Variants in CDK13 observed in about 807,000 individuals in gnomAD.
CDK13 encodes cyclin dependent kinase 13, also known as cyclin-dependent kinase 13.
CDK13 carries 40 observed loss-of-function variants against 137.6 expected under a neutral mutation model. The ratio of observed to expected loss-of-function variants is 0.29; its 90% CI spans 0.23 to 0.38. The LOEUF is 0.38. Among genes scored for constraint, CDK13 ranks in the 10% least tolerant of loss-of-function variants. CDK13 has a pLI of 1.00. For missense variants in CDK13, 1,704 were observed against 1,951.8 expected, an observed-to-expected ratio of 0.87 and a Z score of 2.39; for synonymous variants, 869 against 760.1, an observed-to-expected ratio of 1.14 and a Z score of -2.36.
intron 2 of CDK13, among the ~76,000 whole-genome samples, chr7:39,994,435 T>G (rs967286089): frequency 3.9e-5 from 6 of 152,134 alleles, no homozygotes; most frequent in African/African-American, 1.4e-4. Context: ...TCTTTTCTTT[T>G]AACATATTGT....
intron 1 of CDK13, among the ~76,000 whole-genome samples, chr7:39,972,605 T>TA (rs1335864174): frequency 2.0e-5 from 3 of 152,244 alleles, no homozygotes; most frequent in Admixed American, 2.0e-4. Flanking sequence ...ATTCTTTCAC[T>TA]AAAGCATAAT....
Position 39,950,779 on chromosome 7 carries a change from G to A in CDK13, c.138G>A (p.Pro46=), listed in dbSNP as rs2116047835. The A allele has an allele frequency of 6.8e-7, 1 of 1,472,588 alleles. No individual in the cohort carries two copies. The highest frequency in any genetic ancestry group is 8.9e-7 in the Non-Finnish European group (1 of 1,119,294). The allele number at this position is 1,472,588 out of a possible 1,614,324, so 91.2% of individuals were successfully genotyped here. A position where few individuals can be genotyped will look rare whatever the true frequency, so the allele number is the denominator to read the frequency against. ...QPPLLLPLLQ[P]QLLQPPPPPP... ...CGCTGCTGTTGCCGCTCCTGCAGCC[G>A]CAGCTCCTGCAACCGCCGCCGCCCC... Residue 46 remains proline (P), a synonymous_variant, in exon 1 of 14, where the codon CCG becomes CCA. Coordinates refer to ENST00000181839, the MANE Select transcript of CDK13 (RefSeq NM_003718.5).
chr7:40,021,106 T>TACACACACACACACACAC lies in CDK13; in HGVS notation c.2353+19076_2353+19077insCACACACACACACACACA, dbSNP rs778814352. On this transcript the variant is annotated intron_variant, in intron 5 of 13. Coordinates refer to ENST00000181839, the MANE Select transcript of CDK13 (RefSeq NM_003718.5). ...TTCCATCTCAGAGCAAACAAACGTA[T>TACACACACACACACACAC]ATATATATATATATATACACACACA... 2.7e-3 allele frequency among the ~76,000 whole-genome samples: 174 copies of TACACACACACACACACAC among 65,342 alleles called. 3 individuals carry two copies. The highest frequency in any genetic ancestry group is 3.7e-3 in the Non-Finnish European group (131 of 35,342). 42.9% of individuals were successfully genotyped at this position (65,342 alleles called of 152,430 possible).
At chr7:39,978,858 TAGAA>T (rs1583936275) in intron 1 of CDK13, among the ~76,000 whole-genome samples, 3 of 152,130 alleles carry the variant, frequency 2.0e-5, no homozygotes, top group Admixed American at 1.3e-4. Flanking sequence ...TAGCCTTAGA[TAGAA>T]AGAGGAACAC....
chr7:39,996,663 C>T (rs17496303), intron 2 of CDK13, among the ~76,000 whole-genome samples: 250 of 152,088 alleles, frequency 1.6e-3, no homozygotes, highest in Non-Finnish European at 2.1e-3. Context: ...TTATTTCTTA[C>T]GGTAAAATGT....
At chr7:40,089,626 T>C (rs1164666566) in intron 12 of CDK13, among the ~76,000 whole-genome samples, 1 of 151,494 alleles carries the variant, frequency 6.6e-6, no homozygotes, top group Non-Finnish European at 1.5e-5. Context: ...GCCTAAAACA[T>C]CCAGAAACAC....
intron 5 of CDK13, among the ~76,000 whole-genome samples, chr7:40,011,606 C>T (rs1784895958): frequency 6.6e-6 from 1 of 152,020 alleles, no homozygotes; most frequent in African/African-American, 2.4e-5. Context: ...TAAGTTGGAC[C>T]CCTTCATACC....
intron 7 of CDK13, among the ~76,000 whole-genome samples, chr7:40,057,089 T>G (rs1786036086): frequency 6.6e-6 from 1 of 152,176 alleles, no homozygotes; most frequent in Non-Finnish European, 1.5e-5. Context: ...ACCGCATCTC[T>G]ACTAAAACTA....
At position 39,950,788 on chromosome 7, in the gene CDK13, G is replaced by A. The variant is rs1787130703; in HGVS notation, c.147G>A (p.Leu49=). The change falls in exon 1 of 14, where the codon CTG becomes CTA. Residue 49 remains leucine (L), a synonymous_variant. Coordinates refer to ENST00000181839, the MANE Select transcript of CDK13 (RefSeq NM_003718.5). The stretch of plus-strand genomic sequence containing the variant: ...TGCCGCTCCTGCAGCCGCAGCTCCT[G>A]CAACCGCCGCCGCCCCCGCCGCCTC... ...LLLPLLQPQL[L]QPPPPPPPLL... is the part of the protein sequence containing the mutation. 1.4e-6 allele frequency: 2 copies of A among 1,467,532 alleles called. No homozygotes were observed. The highest frequency in any genetic ancestry group is 3.0e-5 in the East Asian group (1 of 33,660). The allele number at this position is 1,467,532 out of a possible 1,614,324, so 90.9% of individuals were successfully genotyped here. A position where few individuals can be genotyped will look rare whatever the true frequency, so the allele number is the denominator to read the frequency against.
rs990475652 is a variant in CDK13, at chr7:40,094,134, A to G, written c.3693A>G (p.Gln1231=). Residue 1231 remains glutamine, a synonymous_variant, in exon 14 of 14, where the codon CAA becomes CAG. Transcript: ENST00000181839. ...TTTTTGCTCTGTTTCACTTAGGACA[A>G]GATGACCTCATCCAGCATCAAGATA... ...PPEPSTPVSG[Q]DDLIQHQDMR... is the part of the protein sequence containing the mutation. 1 of 1,613,450 alleles carries G rather than the reference A, an allele frequency of 6.2e-7. No individual in the cohort carries two copies. Among genetic ancestry groups the G allele is most frequent in the Non-Finnish European group, 8.5e-7 (1 of 1,179,896 alleles).
In CDK13 at chr7:39,976,323, TCACACA is replaced by T. The variant is rs764395925; in HGVS notation, c.1212-11245_1212-11240del. 1.9e-3 allele frequency among the ~76,000 whole-genome samples: 74 copies of T among 39,584 alleles called. 2 individuals are homozygous for T. The highest frequency in any genetic ancestry group is 0.014 in the East Asian group (20 of 1,412). The allele number at this position is 39,584 out of a possible 152,430, so 26.0% of individuals were successfully genotyped here. On this transcript the variant is annotated intron_variant, in intron 1 of 13. Coordinates refer to ENST00000181839, the MANE Select transcript of CDK13 (RefSeq NM_003718.5). ...CTCTCTCTCTCTCTCTCTCTCTCTC[TCACACA>T]CACACACACACACACACACACACAC... is the stretch of plus-strand genomic sequence containing the variant.
At chr7:40,004,053 A>C (rs940540297) in intron 5 of CDK13, among the ~76,000 whole-genome samples, 23 of 152,156 alleles carry the variant, frequency 1.5e-4, no homozygotes, top group African/African-American at 5.3e-4. Context: ...TGTGCCTCCT[A>C]CCTAGCTCAG....
chr7:40,073,958 A>G (rs1786482516), intron 9 of CDK13, among the ~76,000 whole-genome samples: 1 of 145,696 alleles, frequency 6.9e-6, no homozygotes, highest in Admixed American at 7.0e-5. Context: ...GCTGGAGTGC[A>G]GTGGCCTGAT....
At position 39,951,453 on chromosome 7, in the gene CDK13, G is replaced by T; in HGVS notation, c.812G>T (p.Arg271Leu). The T allele has an allele frequency of 2.0e-6, 3 of 1,537,194 alleles. No homozygotes were observed. The highest frequency in any genetic ancestry group is 2.0e-5 in the Admixed American group (1 of 49,008). Residue 271 changes from arginine (R) to leucine (L), a missense_variant, in exon 1 of 14, where the codon CGC (arginine) becomes CTC (leucine). By Grantham distance (102) the Arg-to-Leu change is moderately radical. Around this residue, in one of 5 missense-constraint regions of CDK13, gnomAD observed 1,051 missense variants for 931.0 expected, o/e 1.13. Transcript: ENST00000181839. ...GCCACATCCAGCAGCAGTAGCAGCCGCAAGGACCGGGACTCGAAGGCCCAC... is the reference window on the plus strand; with the variant it reads ...GCCACATCCAGCAGCAGTAGCAGCCTCAAGGACCGGGACTCGAAGGCCCAC... ...ASATSSSSSSRKDRDSKAHRS... is the reference protein window; with the variant it reads ...ASATSSSSSSLKDRDSKAHRS...
chr7:40,050,444 T>G (rs377427027), intron 7 of CDK13, among the ~76,000 whole-genome samples: 102 of 152,294 alleles, frequency 6.7e-4, no homozygotes, highest in Middle Eastern at 3.4e-3. Context: ...TAGGCTGGAG[T>G]GCAGTGGCGT....
At chr7:40,067,082 G>A (rs1179284864) in intron 9 of CDK13, among the ~76,000 whole-genome samples, 1 of 152,012 alleles carries the variant, frequency 6.6e-6, no homozygotes, top group Non-Finnish European at 1.5e-5. Context: ...AGTTTCACTT[G>A]AATTATCTCA....
intron 4 of CDK13, among the ~76,000 whole-genome samples, chr7:40,000,605 T>G (rs1298090955): frequency 2.0e-5 from 3 of 152,220 alleles, no homozygotes; most frequent in Non-Finnish European, 4.4e-5. Flanking sequence ...ATATGGGAGA[T>G]GACCTTACGG....
chr7:40,083,172 G>T (rs981150771), intron 11 of CDK13, among the ~76,000 whole-genome samples: 1 of 148,336 alleles, frequency 6.7e-6, no homozygotes, highest in Non-Finnish European at 1.5e-5. Flanking sequence ...TCAGTTTTTT[G>T]GATAGTAAAG....
chr7:40,039,061 C>T (rs572892541), intron 5 of CDK13, among the ~76,000 whole-genome samples: 1 of 152,190 alleles, frequency 6.6e-6, no homozygotes, highest in African/African-American at 2.4e-5. Flanking sequence ...GCTCTTTTTT[C>T]GGATGAGCTA....
Sources: allele counts gnomAD v4.1 joint callset (sites outside exome capture counted in the v4.1 genomes callset), GRCh38; gene constraint gnomAD v4.1.1; regional missense constraint gnomAD v4.1.1; transcripts MANE v1.5; gene names NCBI Gene and HGNC (gene_info 2026-07-23, HGNC 2026-07-21).